Variants in GMPR observed in about 807,000 individuals in gnomAD.
The protein encoded by GMPR is guanosine monophosphate reductase, also known as GMP reductase 1.
In GMPR, 31 loss-of-function variants were observed where a neutral mutation model predicts 38.4. That is an observed-to-expected ratio of 0.81 (90% confidence interval 0.61 to 1.09). The LOEUF (loss-of-function observed/expected upper bound fraction) is 1.09. Among genes scored for constraint, GMPR ranks in the 50% least tolerant of loss-of-function variants. The probability of loss-of-function intolerance (pLI) is 0.00; values close to 1 mark genes in which losing one functional copy is unlikely to be tolerated. For missense variants in GMPR, 468 were observed against 453.7 expected, an observed-to-expected ratio of 1.03 and a Z score of -0.29; for synonymous variants, 162 against 173.3, an observed-to-expected ratio of 0.93 and a Z score of 0.51.
chr6:16,274,557 G>A (rs1454158429), intron 5 of GMPR, 61 bp downstream of exon 5: 22 of 933,920 alleles, frequency 2.4e-5, no homozygotes, highest in East Asian at 2.4e-5. Flanking sequence ...TCTGGGGCTT[G>A]CGGGGACTGC....
At chr6:16,253,959 C>T (rs1758925020) in intron 3 of GMPR, among the ~76,000 whole-genome samples, 1 of 151,942 alleles carries the variant, frequency 6.6e-6, no homozygotes, top group African/African-American at 2.4e-5. Context: ...CGGACGGAAC[C>T]TTGCTCTGTT....
chr6:16,250,473 G>A lies in GMPR; in HGVS notation c.291+106G>A, dbSNP rs1306461339. On this transcript the variant is annotated intron_variant, in intron 3 of 8. Coordinates refer to ENST00000259727, the MANE Select transcript of GMPR (RefSeq NM_006877.4). ...AGTAGCAGAGAGACATTGAGAGTTC[G>A]GTGTTTCTCTAGCCCTGTGCCATTG... is the stretch of plus-strand genomic sequence containing the variant. 1.5e-5 allele frequency: 11 copies of A among 749,962 alleles called. No homozygotes were observed. In the Admixed American group the frequency reaches 1.5e-4, roughly 10 times the overall value. 46.5% of individuals were successfully genotyped at this position (749,962 alleles called of 1,614,324 possible).
rs546450494 is a variant in GMPR, at chr6:16,289,848, A to ATTTTTTTTTTTTTTTTTTTTTTTTTTTTT, written c.698-605_698-577dup. The ATTTTTTTTTTTTTTTTTTTTTTTTTTTTT allele has an allele frequency of 4.8e-5, 3 of 63,150 alleles. 1 individual carries two copies. The highest frequency in any genetic ancestry group is 2.1e-4 in the African/African-American group (3 of 14,150). 3.9% of individuals were successfully genotyped at this position (63,150 alleles called of 1,614,324 possible). A position where few individuals can be genotyped will look rare whatever the true frequency, so the allele number is the denominator to read the frequency against. On this transcript the variant is annotated intron_variant, in intron 7 of 8. Transcript: ENST00000259727. The stretch of plus-strand genomic sequence containing the variant: ...AACTTGCTTTCTAAGATACTGCCCA[A>ATTTTTTTTTTTTTTTTTTTTTTTTTTTTT]TTTTTTTTTTTTTTTTTTTTTTTTT...
At position 16,288,346 on chromosome 6, in the gene GMPR, G is replaced by A. The variant is rs568541221; in HGVS notation, c.698-2116G>A. On this transcript the variant is annotated intron_variant, in intron 7 of 8. Transcript: ENST00000259727. ...TGTGGGCTTGGCAGGCCCTGCACTCGGAGCGGCCGGCTGGCCCTGCCGGCC... is the reference window on the plus strand; with the variant it reads ...TGTGGGCTTGGCAGGCCCTGCACTCAGAGCGGCCGGCTGGCCCTGCCGGCC... Among the ~76,000 whole-genome samples, 11 of 152,304 alleles carry A rather than the reference G, an allele frequency of 7.2e-5. No homozygotes were observed. The South Asian group carries it at 2.1e-3, about 29-fold the overall frequency.
intron 3 of GMPR, 56 bp from the exon 4 acceptor site, chr6:16,254,506 G>A: frequency 1.4e-6 from 2 of 1,460,372 alleles, no homozygotes; most frequent in Non-Finnish European, 1.9e-6. Context: ...TGGGGGCAGG[G>A]TCTGATGTCT....
At position 16,250,310 on chromosome 6, in the gene GMPR, G is replaced by A. The variant is rs778333113; in HGVS notation, c.234G>A (p.Lys78=). 3 of 1,609,190 alleles carry A rather than the reference G, an allele frequency of 1.9e-6. No individual in the cohort carries two copies. The South Asian group carries it at 3.3e-5, about 18-fold the overall frequency. Residue 78 remains lysine (K), a synonymous_variant, in exon 3 of 9, where the codon AAG becomes AAA. Transcript: ENST00000259727. ...ACTCCATGTTTACAGCAATTCATAA[G>A]CATTACTCCCTGGATGACTGGAAGC... ...SQHSMFTAIH[K]HYSLDDWKLF...
chr6:16,274,578 A>G, intron 5 of GMPR, 82 bp downstream of exon 5: 2 of 797,610 alleles, frequency 2.5e-6, no homozygotes, highest in Non-Finnish European at 4.5e-6. Context: ...AGATCACTGG[A>G]GGGGATGCAT....
chr6:16,294,727 G>C (rs1437245665), intron 8 of GMPR, among the ~76,000 whole-genome samples: 1 of 152,192 alleles, frequency 6.6e-6, no homozygotes, highest in African/African-American at 2.4e-5. Flanking sequence ...ATGGGTCCCT[G>C]ACTCCTTCAA....
In GMPR at chr6:16,259,182, A is replaced by T. The variant is rs1197651945; in HGVS notation, c.465+4447A>T. On this transcript the variant is annotated intron_variant, in intron 4 of 8. Transcript: ENST00000259727. ...AGGTAAAGGAAAATTACAGTCAAAG[A>T]GGGGTTGGTTTGTTCTCTGGCGGGC... 3 of 151,606 alleles carry T rather than the reference A, an allele frequency of 2.0e-5. No individual in the cohort carries two copies. The Admixed American group carries it at 2.0e-4, about 10-fold the overall frequency. 9.4% of individuals were successfully genotyped at this position (151,606 alleles called of 1,614,324 possible). A position where few individuals can be genotyped will look rare whatever the true frequency, so the allele number is the denominator to read the frequency against.
intron 5 of GMPR, among the ~76,000 whole-genome samples, chr6:16,275,662 C>T (rs920004037): frequency 2.0e-5 from 3 of 152,184 alleles, no homozygotes; most frequent in African/African-American, 7.2e-5. Flanking sequence ...CCTCTTAGGG[C>T]AGGCTGTAAT....
chr6:16,267,506 G>A (rs1392657268), intron 4 of GMPR, among the ~76,000 whole-genome samples: 5 of 152,152 alleles, frequency 3.3e-5, no homozygotes, highest in African/African-American at 4.8e-5. Context: ...TCACTGCAAA[G>A]GTCTGCGGCT....
intron 4 of GMPR, among the ~76,000 whole-genome samples, chr6:16,256,516 G>A (rs973577604): frequency 7.7e-6 from 1 of 129,568 alleles, no homozygotes. Context: ...GAGACAGAGT[G>A]AGACTCTGTC....
chr6:16,278,974 C>T, intron 6 of GMPR, 84 bp downstream of exon 6: 1 of 823,846 alleles, frequency 1.2e-6, no homozygotes, highest in Non-Finnish European at 2.0e-6. Flanking sequence ...GCTGGGCATC[C>T]TGTGGGCATG....
At chr6:16,280,910 C>T (rs973532283) in intron 6 of GMPR, among the ~76,000 whole-genome samples, 2 of 152,162 alleles carry the variant, frequency 1.3e-5, no homozygotes, top group African/African-American at 4.8e-5. Context: ...TAAAGTTTTA[C>T]TCTGAACATA....
At chr6:16,247,376 TC>T (rs1758779229) in intron 2 of GMPR, among the ~76,000 whole-genome samples, 1 of 150,338 alleles carries the variant, frequency 6.7e-6, no homozygotes, top group Non-Finnish European at 1.5e-5. Flanking sequence ...ATAATGTATT[TC>T]TTTTTTTTTT....
chr6:16,253,553 C>T (rs922752318), intron 3 of GMPR, among the ~76,000 whole-genome samples: 41 of 152,090 alleles, frequency 2.7e-4, no homozygotes, highest in Non-Finnish European at 1.3e-4. Context: ...GGGGATGGCC[C>T]AAGCCATTGA....
intron 4 of GMPR, among the ~76,000 whole-genome samples, chr6:16,265,342 G>T (rs900228635): frequency 6.6e-6 from 1 of 152,188 alleles, no homozygotes; most frequent in Non-Finnish European, 1.5e-5. Context: ...AGCTCAGGGA[G>T]CCTTCTGAGG....
At chr6:16,270,028 C>T (rs1458810326) in intron 4 of GMPR, among the ~76,000 whole-genome samples, 1 of 152,212 alleles carries the variant, frequency 6.6e-6, no homozygotes, top group African/African-American at 2.4e-5. Context: ...AATTCACCTC[C>T]CCAAATCCCC....
intron 4 of GMPR, among the ~76,000 whole-genome samples, chr6:16,266,499 C>G (rs1000010469): frequency 6.7e-6 from 1 of 149,226 alleles, no homozygotes; most frequent in African/African-American, 2.5e-5. Context: ...GTCCGACGTG[C>G]CACCTTTAAG....
Sources: gnomAD v4.1 joint callset for allele counts (sites outside exome capture counted in the v4.1 genomes callset) on GRCh38, gnomAD v4.1.1 for gene constraint, MANE v1.5 for transcripts, NCBI Gene and HGNC (gene_info 2026-07-23, HGNC 2026-07-21) for gene names.